The following NRG1 variants were observed in gnomAD, a reference collection of about 807,000 sequenced individuals.
The protein encoded by NRG1 is neuregulin 1.
Under a neutral mutation model 63.8 loss-of-function variants are expected in NRG1, and 18 were observed. The ratio of observed to expected loss-of-function variants is 0.28; its 90% confidence interval spans 0.19 to 0.42. The LOEUF (loss-of-function observed/expected upper bound fraction) is 0.42, where lower values mean the gene tolerates loss of function less well. NRG1 is among the 10% of genes least tolerant of loss of function. NRG1 has a pLI of 1.00. For synonymous variants in NRG1, 302 were observed against 301.3 expected, an observed-to-expected ratio of 1.00 and a Z score of -0.02; for missense variants, 762 against 814.7, an observed-to-expected ratio of 0.94 and a Z score of 0.79.
intron 1 of NRG1, among the ~76,000 whole-genome samples, chr8:31,706,512 C>G: frequency 6.6e-6 from 1 of 152,088 alleles, no homozygotes; most frequent in East Asian, 1.9e-4. Flanking sequence ...ATAAACAATA[C>G]TGCAAAGAAT....
chr8:31,679,574 G>A (rs1471139649), intron 1 of NRG1, among the ~76,000 whole-genome samples: 1 of 151,948 alleles, frequency 6.6e-6, no homozygotes, highest in Non-Finnish European at 1.5e-5. Context: ...ATGATTAAAA[G>A]GTAAAAACAT....
chr8:32,748,795 G>C, intron 7 of NRG1: 1 of 444,252 alleles, frequency 2.3e-6, no homozygotes, highest in Non-Finnish European at 4.5e-6. Flanking sequence ...TTTGAAAAAA[G>C]TGAGGCGTAG....
At chr8:32,266,746 T>G (rs1015494827) in intron 1 of NRG1, among the ~76,000 whole-genome samples, 1 of 151,826 alleles carries the variant, frequency 6.6e-6, no homozygotes, top group Non-Finnish European at 1.5e-5. Context: ...AAGAAAAAAT[T>G]CTTTCTGGGC....
At chr8:32,678,846 T>C (rs571242885) in intron 5 of NRG1, among the ~76,000 whole-genome samples, 55 of 152,262 alleles carry the variant, frequency 3.6e-4, no homozygotes, top group African/African-American at 1.3e-3. Context: ...TTTAAGTCCA[T>C]GTATTATGAA....
At chr8:32,051,473 C>T (rs1212913152) in intron 1 of NRG1, among the ~76,000 whole-genome samples, 1 of 152,144 alleles carries the variant, frequency 6.6e-6, no homozygotes, top group East Asian at 1.9e-4. Context: ...GTGTTACATG[C>T]TGTGATACTG....
intron 1 of NRG1, among the ~76,000 whole-genome samples, chr8:32,126,340 G>A (rs549324002): frequency 1.3e-5 from 2 of 151,844 alleles, no homozygotes; most frequent in Non-Finnish European, 2.9e-5. Flanking sequence ...GGGCTGGAAA[G>A]CAAATAGTAT....
exon 12 of NRG1, chr8:32,764,864 T>G (rs1831300451): frequency 6.5e-6 from 1 of 153,326 alleles, no homozygotes; most frequent in Non-Finnish European, 1.5e-5. Flanking sequence ...GTATGAAGTT[T>G]TCTTTGCTTT....
chr8:32,371,361 G>T (rs1808831683), intron 1 of NRG1, among the ~76,000 whole-genome samples: 1 of 152,216 alleles, frequency 6.6e-6, no homozygotes, highest in South Asian at 2.1e-4. Flanking sequence ...TTCTGTGACT[G>T]CGTGGTCTTT....
In NRG1 at chr8:31,640,451, AG is replaced by A; in HGVS notation, c.37+1022del. 1 of 1,553,720 alleles carries A rather than the reference AG, an allele frequency of 6.4e-7. No homozygotes were observed. The highest frequency in any genetic ancestry group is 8.7e-7 in the Non-Finnish European group (1 of 1,151,408). On this transcript the variant is annotated intron_variant, in intron 1 of 10. Coordinates refer to the NRG1 transcript ENST00000519301. The surrounding 1 kb of genome is among the most constrained non-coding windows in gnomAD (Gnocchi z 6.3). ...GTGCCCAGCGCCGGCGAGCCCGGGGAGGAGGCGCCCTATCTGGTGAAGGTGC... is the reference window on the plus strand; with the variant it reads ...GTGCCCAGCGCCGGCGAGCCCGGGGAGAGGCGCCCTATCTGGTGAAGGTGC...
chr8:32,577,290 CAG>C (rs1158926409), intron 1 of NRG1, among the ~76,000 whole-genome samples: 5 of 152,134 alleles, frequency 3.3e-5, no homozygotes, highest in African/African-American at 1.2e-4. Context: ...ATTACTGAAT[CAG>C]AGTCTTTCAA....
chr8:31,949,315 G>C (rs1377454244), intron 1 of NRG1, among the ~76,000 whole-genome samples: 1 of 152,092 alleles, frequency 6.6e-6, no homozygotes, highest in African/African-American at 2.4e-5. Flanking sequence ...CCCTCTCGCT[G>C]TCTTTTGCCC....
intron 1 of NRG1, among the ~76,000 whole-genome samples, chr8:32,328,430 T>A (rs1382900024): frequency 3.8e-4 from 54 of 141,368 alleles, no homozygotes; most frequent in African/African-American, 1.5e-3. Flanking sequence ...TTTAACATCT[T>A]TTTTTTTTTT....
At chr8:31,899,587 G>T (rs932453419) in intron 1 of NRG1, among the ~76,000 whole-genome samples, 3 of 152,000 alleles carry the variant, frequency 2.0e-5, no homozygotes, top group African/African-American at 4.8e-5. Context: ...GGCTGAGTTG[G>T]AATACCAGCT....
intron 5 of NRG1, among the ~76,000 whole-genome samples, chr8:32,621,387 A>G (rs1323718396): frequency 6.6e-6 from 1 of 152,192 alleles, no homozygotes; most frequent in Non-Finnish European, 1.5e-5. Context: ...CAAAACAGTC[A>G]ATAGGACTAT....
chr8:31,813,384 A>G (rs553699083), intron 1 of NRG1, among the ~76,000 whole-genome samples: 1 of 152,244 alleles, frequency 6.6e-6, no homozygotes, highest in Non-Finnish European at 1.5e-5. Flanking sequence ...CAGTTGCCTC[A>G]AGCATTTATC....
chr8:31,699,730 CT>C (rs1810447162), intron 1 of NRG1, among the ~76,000 whole-genome samples: 1 of 151,696 alleles, frequency 6.6e-6, no homozygotes, highest in African/African-American at 2.4e-5. Context: ...AATTTTTCAC[CT>C]TTTAATTGTC....
chr8:32,219,724 G>A (rs1845613643), intron 1 of NRG1, among the ~76,000 whole-genome samples: 1 of 152,122 alleles, frequency 6.6e-6, no homozygotes, highest in Non-Finnish European at 1.5e-5. Context: ...TAGTTCATTC[G>A]GGGAATTTCA....
chr8:31,898,149 T>A (rs1270747953), intron 1 of NRG1, among the ~76,000 whole-genome samples: 1 of 152,046 alleles, frequency 6.6e-6, no homozygotes, highest in Non-Finnish European at 1.5e-5. Flanking sequence ...ATGTCTTATA[T>A]CTCCCTAAAA....
chr8:32,773,782 C>T (rs1378711355), intron 7 of NRG1, among the ~76,000 whole-genome samples: 2 of 152,158 alleles, frequency 1.3e-5, no homozygotes, highest in Non-Finnish European at 2.9e-5. Flanking sequence ...GTTACGGCCC[C>T]TCCATGGCTC....
Sources: gnomAD v4.1 joint callset for allele counts (sites outside exome capture counted in the v4.1 genomes callset) on GRCh38, gnomAD v4.1.1 for gene constraint, Gnocchi (gnomAD v3.1) non-coding constraint, MANE v1.5 for transcripts, NCBI Gene and HGNC (gene_info 2026-07-23, HGNC 2026-07-21) for gene names.